The following ZNF541 variants were observed in gnomAD, a reference collection of about 807,000 sequenced individuals.
ZNF541 encodes zinc finger protein 541.
Under a neutral mutation model 123.5 loss-of-function variants are expected in ZNF541, and 23 were observed. That is an observed-to-expected ratio of 0.19 (90% confidence interval 0.13 to 0.26). The LOEUF (loss-of-function observed/expected upper bound fraction) is 0.26, where lower values mean the gene tolerates loss of function less well. Ranked by LOEUF, ZNF541 falls within the 10% of genes least tolerant of loss-of-function variation. The probability of loss-of-function intolerance (pLI) is 1.00; values close to 1 mark genes in which losing one functional copy is unlikely to be tolerated. For synonymous variants in ZNF541, 751 were observed against 754.5 expected, an observed-to-expected ratio of 1.00 and a Z score of 0.08; for missense variants, 1,612 against 1,789.9, an observed-to-expected ratio of 0.90 and a Z score of 1.79.
intron 3 of ZNF541, among the ~76,000 whole-genome samples, chr19:47,550,159 C>T (rs150577229): frequency 0.011 from 1,599 of 151,796 alleles, 40 homozygotes; most frequent in African/African-American, 0.037. Context: ...GGCTGAGGCA[C>T]GAGAACTGCT....
At position 47,529,175 on chromosome 19, in the gene ZNF541, A is replaced by G. The variant is rs148579924; in HGVS notation, c.3482-137T>C. ...TGTGCCAATCTCATAAAAAACTCAAAAAGTCTCCAGAAGGGAGGGACCACT... is the reference window on the plus strand; with the variant it reads ...TGTGCCAATCTCATAAAAAACTCAAGAAGTCTCCAGAAGGGAGGGACCACT... On this transcript the variant is annotated intron_variant, in intron 13 of 16. Transcript: ENST00000391901. 3.1e-4 allele frequency: 212 copies of G among 680,182 alleles called. 3 individuals carry two copies. The East Asian group carries it at 5.6e-3, about 18-fold the overall frequency. 42.1% of individuals were successfully genotyped at this position (680,182 alleles called of 1,614,324 possible).
At position 47,532,354 on chromosome 19, in the gene ZNF541, G is replaced by A. The variant is rs1969613171; in HGVS notation, c.3159-84C>T. 7.6e-6 allele frequency: 11 copies of A among 1,453,042 alleles called. No homozygotes were observed. The South Asian group carries it at 1.3e-4, about 17-fold the overall frequency. 90.0% of individuals were successfully genotyped at this position (1,453,042 alleles called of 1,614,324 possible). On this transcript the variant is annotated intron_variant, in intron 10 of 16. Coordinates refer to ENST00000391901, the MANE Select transcript of ZNF541 (RefSeq NM_001277075.3). The stretch of plus-strand genomic sequence containing the variant: ...GAAATGGAGACGCTCTGTATGCCCT[G>A]CTCTTGGGCCACAGCCTGCTCCATG...
chr19:47,531,690 G>A lies in ZNF541; in HGVS notation c.3357C>T (p.Asn1119=), dbSNP rs1458912561. Residue 1119 remains asparagine (N), a synonymous_variant, in exon 12 of 17, where the codon AAC becomes AAT. Transcript: ENST00000391901. ...CSSVMPGGGT[N]LELALHCLHE... ...GCAGGCAGTGCAGAGCGAGCTCCAG[G>A]TTGGTGCCCCCTCCTGGCATCACGC... The A allele has an allele frequency of 1.3e-6, 2 of 1,548,880 alleles. No homozygotes were observed.
intron 2 of ZNF541, among the ~76,000 whole-genome samples, chr19:47,562,905 T>A (rs1971121433): frequency 6.6e-6 from 1 of 152,196 alleles, no homozygotes; most frequent in African/African-American, 2.4e-5. Context: ...GTTACTTCCA[T>A]TTGGGGGCTA....
chr19:47,520,952 C>G lies in ZNF541; in HGVS notation c.*272G>C, dbSNP rs1482325118. 5 of 420,048 alleles carry G rather than the reference C, an allele frequency of 1.2e-5. No individual in the cohort carries two copies. The highest frequency in any genetic ancestry group is 2.2e-5 in the Non-Finnish European group (5 of 232,152). 26.0% of individuals were successfully genotyped at this position (420,048 alleles called of 1,614,324 possible). On this transcript the variant is annotated 3_prime_UTR_variant, in exon 17 of 17. Coordinates refer to ENST00000391901, the MANE Select transcript of ZNF541 (RefSeq NM_001277075.3). ...TAAATTTTCCCCTCCCCAAGCCTCC[C>G]TGCTCTAGAAGTGGAAGGGAAAGAA... is the stretch of plus-strand genomic sequence containing the variant.
chr19:47,549,508 G>A, intron 3 of ZNF541, 23 bp from the exon 4 acceptor site: 1 of 1,550,628 alleles, frequency 6.4e-7, no homozygotes, highest in Non-Finnish European at 8.7e-7. Flanking sequence ...AGAAAGCACA[G>A]GTTATACACA....
intron 2 of ZNF541, among the ~76,000 whole-genome samples, chr19:47,558,746 AT>A (rs560549219): frequency 4.7e-3 from 646 of 138,206 alleles, no homozygotes; most frequent in Non-Finnish European, 6.1e-3. Flanking sequence ...CGCCCAGCTA[AT>A]TTTTTTTTTT....
At chr19:47,560,499 G>A (rs763985645) in intron 2 of ZNF541, among the ~76,000 whole-genome samples, 2 of 150,644 alleles carry the variant, frequency 1.3e-5, no homozygotes, top group Non-Finnish European at 1.5e-5. Flanking sequence ...TCACTTGAAT[G>A]TGGGAGGTGG....
At chr19:47,543,353 C>A (rs1970164239) in intron 5 of ZNF541, among the ~76,000 whole-genome samples, 1 of 151,838 alleles carries the variant, frequency 6.6e-6, no homozygotes, top group South Asian at 2.1e-4. Context: ...GCTCTTTGGA[C>A]CAGGCCCTCC....
chr19:47,529,744 G>T, intron 12 of ZNF541, 92 bp from the exon 13 acceptor site: 1 of 1,238,942 alleles, frequency 8.1e-7, no homozygotes, highest in Non-Finnish European at 1.1e-6. Context: ...ACTTGCGGCT[G>T]TCCCTGAAGA....
At chr19:47,532,865 C>T in intron 10 of ZNF541, 44 bp downstream of exon 10, 1 of 1,540,452 alleles carries the variant, frequency 6.5e-7, no homozygotes. Context: ...CACTAGAACT[C>T]AAGGTGGGGT....
Position 47,532,182 on chromosome 19 carries a change from G to C in ZNF541, c.3247C>G (p.Leu1083Val), listed in dbSNP as rs1426646350. Reference protein sequence around the residue: ...LAGTDEHVASLVWKPWGDMMI... With the variant: ...LAGTDEHVASVVWKPWGDMMI... The stretch of plus-strand genomic sequence containing the variant: ...ATATCTCCCCATGGCTTCCAGACCA[G>C]AGAAGCTACATGCTCGTCAGTTCCA... Residue 1083 changes from leucine to valine, a missense_variant, in exon 11 of 17, where the codon CTG becomes GTG. Physicochemically the swap from Leu to Val is conservative, Grantham distance 32 (BLOSUM62 1). Transcript: ENST00000391901. 1 of 1,551,784 alleles carries C rather than the reference G, an allele frequency of 6.4e-7. No homozygotes were observed. Among genetic ancestry groups the C allele is most frequent in the Non-Finnish European group, 8.7e-7 (1 of 1,147,012 alleles).
At chr19:47,558,170 A>C (rs900631857) in intron 2 of ZNF541, among the ~76,000 whole-genome samples, 1 of 152,174 alleles carries the variant, frequency 6.6e-6, no homozygotes, top group Admixed American at 6.5e-5. Flanking sequence ...TAATCCCAGC[A>C]CTTTGGGAGA....
rs1438298320 is a variant in ZNF541, at chr19:47,532,901, C to G, written c.3158+8G>C. On this transcript the variant is annotated splice_region_variant and intron_variant, in intron 10 of 16. Coordinates refer to ENST00000391901, the MANE Select transcript of ZNF541 (RefSeq NM_001277075.3). ...AAAAGCAGCTTCACTGGAAAGGACC[C>G]AACTTACGGCTCAATGCTGATTTTG... 4 of 1,549,590 alleles carry G rather than the reference C, an allele frequency of 2.6e-6. No homozygotes were observed. The highest frequency in any genetic ancestry group is 3.5e-6 in the Non-Finnish European group (4 of 1,145,928).
intron 12 of ZNF541, among the ~76,000 whole-genome samples, chr19:47,530,147 C>T (rs1235099500): frequency 6.6e-6 from 1 of 151,650 alleles, no homozygotes; most frequent in Non-Finnish European, 1.5e-5. Flanking sequence ...TACCACTGTA[C>T]CCAGCTAGCT....
intron 4 of ZNF541, among the ~76,000 whole-genome samples, chr19:47,548,260 T>C (rs1324578148): frequency 2.6e-5 from 4 of 150,976 alleles, no homozygotes; most frequent in Non-Finnish European, 3.0e-5. Flanking sequence ...CTGGCCAATA[T>C]GGTGAAACCC....
chr19:47,529,694 G>A (rs1969474239), intron 12 of ZNF541, 42 bp from the exon 13 acceptor site: 1 of 1,525,044 alleles, frequency 6.6e-7, no homozygotes, highest in Non-Finnish European at 8.9e-7. Context: ...ACCAGGTGGG[G>A]GAAGAGGACC....
intron 4 of ZNF541, among the ~76,000 whole-genome samples, chr19:47,546,227 G>T (rs1175345747): frequency 7.1e-6 from 1 of 140,740 alleles, no homozygotes; most frequent in African/African-American, 3.0e-5. Flanking sequence ...AAAAAAACCA[G>T]CGGGGCACAG....
intron 2 of ZNF541, among the ~76,000 whole-genome samples, chr19:47,567,340 C>A (rs1171083444): frequency 6.6e-6 from 1 of 152,148 alleles, no homozygotes; most frequent in East Asian, 1.9e-4. Context: ...TCACTGCAAC[C>A]TCCACCTCCT....
Sources: allele counts gnomAD v4.1 joint callset (sites outside exome capture counted in the v4.1 genomes callset), GRCh38; gene constraint gnomAD v4.1.1; transcripts MANE v1.5; gene names NCBI Gene and HGNC (gene_info 2026-07-23, HGNC 2026-07-21).